ABLIM1: variants seen among roughly 807,000 people sequenced by gnomAD.
The protein encoded by ABLIM1 is actin binding LIM protein 1.
Under a neutral mutation model 107.0 loss-of-function variants are expected in ABLIM1, and 40 were observed. That is an observed-to-expected ratio of 0.37 (90% confidence interval 0.29 to 0.49). The LOEUF (loss-of-function observed/expected upper bound fraction) is 0.49, where lower values mean the gene tolerates loss of function less well. ABLIM1 is among the 20% of genes least tolerant of loss of function. The pLI is 0.97. For synonymous variants in ABLIM1, 357 were observed against 357.3 expected (o/e 1.00, Z 0.01); for missense variants, 857 against 1,008.5 (o/e 0.85, Z 2.04).
At chr10:114,439,283 T>A in intron 20 of ABLIM1, 33 bp from the exon 21 acceptor site, 1 of 1,612,930 alleles carries the variant, frequency 6.2e-7, no homozygotes, top group Non-Finnish European at 8.5e-7. Flanking sequence ...AGGTGAGGCA[T>A]GAAATAGTCT....
chr10:114,609,633 T>A (rs1222288100), intron 1 of ABLIM1, among the ~76,000 whole-genome samples: 1 of 152,258 alleles, frequency 6.6e-6, no homozygotes, highest in African/African-American at 2.4e-5. Flanking sequence ...GTCATCTCTA[T>A]ACTTCTCAGT....
At chr10:114,610,882 G>A (rs866942876) in intron 1 of ABLIM1, among the ~76,000 whole-genome samples, 15 of 152,258 alleles carry the variant, frequency 9.9e-5, no homozygotes, top group African/African-American at 2.9e-4. Flanking sequence ...GGCCGGGTGC[G>A]GTGGCTCATG....
chr10:114,678,040 A>G (rs747920690), intron 1 of ABLIM1, among the ~76,000 whole-genome samples: 155 of 152,324 alleles, frequency 1.0e-3, no homozygotes, highest in Non-Finnish European at 1.9e-3. Flanking sequence ...TTCTTTTTTA[A>G]TTCCTTTAGT....
Position 114,644,306 on chromosome 10 carries a change from A to AATATATATATAT in ABLIM1, c.244+13639_244+13650dup, listed in dbSNP as rs1244613103. ...AAAAAAAAAAAAAAAAAAAAAAAAA[A>AATATATATATAT]ATATATATATATATATATATATATG... On this transcript the variant is annotated intron_variant, in intron 1 of 22. Transcript: ENST00000533213. Among the ~76,000 whole-genome samples, 98 of 52,238 alleles carry AATATATATATAT rather than the reference A, an allele frequency of 1.9e-3. 1 individual carries two copies. Among genetic ancestry groups the AATATATATATAT allele is most frequent in the South Asian group, 7.8e-3 (8 of 1,026 alleles). 34.3% of individuals were successfully genotyped at this position (52,238 alleles called of 152,430 possible).
chr10:114,746,027 T>A (rs2082377789), intron 1 of ABLIM1, among the ~76,000 whole-genome samples: 1 of 152,190 alleles, frequency 6.6e-6, no homozygotes, highest in Non-Finnish European at 1.5e-5. Flanking sequence ...TATGTGGTGT[T>A]ACAAATTTGA....
intron 4 of ABLIM1, among the ~76,000 whole-genome samples, chr10:114,563,372 G>A (rs1373856685): frequency 6.6e-6 from 1 of 152,102 alleles, no homozygotes; most frequent in Non-Finnish European, 1.5e-5. Flanking sequence ...TAAGTGCTAG[G>A]CCTTGTATAA....
the ABLIM1 span, among the ~76,000 whole-genome samples, chr10:114,776,705 A>T: frequency 6.6e-6 from 1 of 152,108 alleles, no homozygotes; most frequent in Non-Finnish European, 1.5e-5. Flanking sequence ...GCTCACTGGA[A>T]CTTCACTCTC....
chr10:114,485,504 C>G (rs1202487922), intron 8 of ABLIM1: 4 of 820,248 alleles, frequency 4.9e-6, no homozygotes, highest in Non-Finnish European at 5.4e-6. Flanking sequence ...GAGTAAACAT[C>G]AAGTGGGATT....
chr10:114,796,493 AAC>A, the ABLIM1 span, among the ~76,000 whole-genome samples: 2 of 152,178 alleles, frequency 1.3e-5, no homozygotes, highest in African/African-American at 4.8e-5. Flanking sequence ...GACAAGAGTG[AAC>A]ACTAGCCTTT....
chr10:114,500,152 C>T (rs991728110), intron 6 of ABLIM1, among the ~76,000 whole-genome samples: 1 of 152,168 alleles, frequency 6.6e-6, no homozygotes, highest in Non-Finnish European at 1.5e-5. Flanking sequence ...TTACTAACTG[C>T]GAGGCTTCTG....
At chr10:114,437,360 C>T (rs2059569429) in intron 22 of ABLIM1, among the ~76,000 whole-genome samples, 1 of 148,966 alleles carries the variant, frequency 6.7e-6, no homozygotes, top group Non-Finnish European at 1.5e-5. Flanking sequence ...GCTCTGTTGC[C>T]CAAGCTGGAG....
intron 15 of ABLIM1, among the ~76,000 whole-genome samples, chr10:114,445,664 C>T (rs2060911522): frequency 6.6e-6 from 1 of 152,200 alleles, no homozygotes; most frequent in African/African-American, 2.4e-5. Flanking sequence ...CTCCCTGCTC[C>T]ATTAGAACTG....
At chr10:114,757,369 C>T (rs905537071) in intron 1 of ABLIM1, among the ~76,000 whole-genome samples, 2 of 152,158 alleles carry the variant, frequency 1.3e-5, no homozygotes, top group Non-Finnish European at 2.9e-5. Context: ...TTTTCTCTAA[C>T]TGTAAAATAG....
At chr10:114,742,382 C>T (rs1424299560) in intron 1 of ABLIM1, among the ~76,000 whole-genome samples, 2 of 152,092 alleles carry the variant, frequency 1.3e-5, no homozygotes, top group East Asian at 1.9e-4. Context: ...TTGGATACTC[C>T]ATCTACAAAA....
At chr10:114,732,687 T>C (rs1418854051) in intron 1 of ABLIM1, among the ~76,000 whole-genome samples, 1 of 152,220 alleles carries the variant, frequency 6.6e-6, no homozygotes, top group Non-Finnish European at 1.5e-5. Flanking sequence ...TTACTTTTAG[T>C]TATGCTACCA....
chr10:114,689,307 C>A (rs1033841589), upstream of ABLIM1, among the ~76,000 whole-genome samples: 3 of 151,950 alleles, frequency 2.0e-5, no homozygotes, highest in African/African-American at 7.3e-5. Context: ...ATCCTATCTA[C>A]CTTAGAATAA....
intron 1 of ABLIM1, among the ~76,000 whole-genome samples, chr10:114,654,334 A>C (rs1371197617): frequency 6.6e-6 from 1 of 152,252 alleles, no homozygotes; most frequent in African/African-American, 2.4e-5. Flanking sequence ...GCCTCCATAG[A>C]GACTGTCAAA....
chr10:114,740,103 G>T (rs2082256909), intron 1 of ABLIM1, among the ~76,000 whole-genome samples: 1 of 152,114 alleles, frequency 6.6e-6, no homozygotes, highest in Non-Finnish European at 1.5e-5. Context: ...TTCGCCAGAA[G>T]TATCTAAGAG....
At chr10:114,602,296 C>T (rs111400124) in intron 1 of ABLIM1, among the ~76,000 whole-genome samples, 2,902 of 152,190 alleles carry the variant, frequency 0.019, 99 homozygotes, top group African/African-American at 0.066. Flanking sequence ...TTGTAATATG[C>T]CTTTATATTG....
Sources: allele counts gnomAD v4.1 joint callset (sites outside exome capture counted in the v4.1 genomes callset), GRCh38; gene constraint gnomAD v4.1.1; transcripts MANE v1.5; gene names NCBI Gene and HGNC (gene_info 2026-07-23, HGNC 2026-07-21).